Variants in PIK3C2G observed in about 807,000 individuals in gnomAD.
PIK3C2G encodes the protein phosphatidylinositol 3-kinase C2 domain-containing subunit gamma.
PIK3C2G carries 168 observed loss-of-function variants against 181.1 expected under a neutral mutation model. That is an observed-to-expected ratio of 0.93 (90% CI 0.82 to 1.05). The LOEUF (loss-of-function observed/expected upper bound fraction) is 1.05, where lower values mean the gene tolerates loss of function less well. PIK3C2G is among the 50% of genes least tolerant of loss of function. The pLI is 0.00. For synonymous variants in PIK3C2G, 573 were observed against 592.2 expected (o/e 0.97, Z 0.47); for missense variants, 1,869 against 1,732.8 (o/e 1.08, Z -1.40).
chr12:18,577,895 G>T (rs1357358839), intron 29 of PIK3C2G, among the ~76,000 whole-genome samples: 2 of 152,204 alleles, frequency 1.3e-5, no homozygotes, highest in Non-Finnish European at 2.9e-5. Context: ...TGTGGACAGT[G>T]AGGAGCCTCG....
chr12:18,460,222 A>G (rs1947842135), intron 18 of PIK3C2G, among the ~76,000 whole-genome samples: 1 of 152,120 alleles, frequency 6.6e-6, no homozygotes, highest in African/African-American at 2.4e-5. Flanking sequence ...CCTCTCTGAG[A>G]CTCAGTTACT....
rs1038006762 is a variant in PIK3C2G, at chr12:18,319,356, T to C, written c.1138-1606T>C. ...AAAAAAAATTTTAACTTTTTCCTTTTTCCTTAAGGCCAAGGTATGGCCTCA... is the reference window on the plus strand; with the variant it reads ...AAAAAAAATTTTAACTTTTTCCTTTCTCCTTAAGGCCAAGGTATGGCCTCA... On this transcript the variant is annotated intron_variant, in intron 6 of 32. Transcript: ENST00000538779. Among the ~76,000 whole-genome samples, 54 of 152,116 alleles carry C rather than the reference T, an allele frequency of 3.5e-4. 2 individuals are homozygous for C. Among genetic ancestry groups the C allele is most frequent in the Non-Finnish European group, 7.4e-5 (5 of 68,008 alleles).
rs75351086 is a variant in PIK3C2G at position 18,556,653 on chromosome 12, A to G, written c.3591-6050A>G. ...TAAATGTTTGTTGGATCGATGTTCA[A>G]TGAATGAATGGTAGAGTCTCCATAA... On this transcript the variant is annotated intron_variant, in intron 26 of 32. Coordinates refer to ENST00000538779, the MANE Select transcript of PIK3C2G (RefSeq NM_001288772.2). Among the ~76,000 whole-genome samples, 610 of 152,308 alleles carry G rather than the reference A, an allele frequency of 4.0e-3. 8 individuals are homozygous for G. The highest frequency in any genetic ancestry group is 0.014 in the African/African-American group (586 of 41,576).
intron 5 of PIK3C2G, among the ~76,000 whole-genome samples, chr12:18,297,279 T>G (rs113460533): frequency 2.0e-5 from 3 of 152,204 alleles, no homozygotes; most frequent in African/African-American, 7.2e-5. Flanking sequence ...CATAATTTTT[T>G]CTCTTATTAC....
At chr12:18,331,682 A>T (rs1210028837) in intron 8 of PIK3C2G, among the ~76,000 whole-genome samples, 1 of 151,998 alleles carries the variant, frequency 6.6e-6, no homozygotes, top group Admixed American at 6.6e-5. Context: ...ACACTTACTG[A>T]GTCTCCAATA....
At chr12:18,690,317 G>T in the PIK3C2G span, among the ~76,000 whole-genome samples, 1 of 152,042 alleles carries the variant, frequency 6.6e-6, no homozygotes, top group African/African-American at 2.4e-5. Flanking sequence ...TCTGCCTCCT[G>T]GATTCAAGCG....
At chr12:18,376,070 G>A (rs1053091741) in intron 13 of PIK3C2G, among the ~76,000 whole-genome samples, 2 of 152,218 alleles carry the variant, frequency 1.3e-5, no homozygotes, top group Admixed American at 6.5e-5. Flanking sequence ...ATAGAAAAGT[G>A]TGGAGGATAA....
intron 30 of PIK3C2G, among the ~76,000 whole-genome samples, chr12:18,597,038 C>G (rs144802640): frequency 0.01 from 1,548 of 151,836 alleles, 14 homozygotes; most frequent in African/African-American, 0.023. Context: ...TTACTTTGAT[C>G]TGGGAAGAAA....
At chr12:18,339,323 C>T (rs1386453564) in intron 9 of PIK3C2G, among the ~76,000 whole-genome samples, 1 of 151,986 alleles carries the variant, frequency 6.6e-6, no homozygotes, top group Admixed American at 6.6e-5. Context: ...TATGCATTAC[C>T]TCACTGAATT....
chr12:18,338,057 T>C (rs1565612568), intron 8 of PIK3C2G, among the ~76,000 whole-genome samples: 1 of 152,086 alleles, frequency 6.6e-6, no homozygotes. Flanking sequence ...CCACAGACTT[T>C]GTCTAAGGCT....
intron 31 of PIK3C2G, among the ~76,000 whole-genome samples, chr12:18,639,098 C>T (rs899364957): frequency 2.0e-5 from 3 of 152,094 alleles, no homozygotes; most frequent in Admixed American, 2.0e-4. Context: ...CCTTGAGCTC[C>T]AATAAAGTAC....
chr12:18,246,177 C>T (rs1948038146), upstream of PIK3C2G, among the ~76,000 whole-genome samples: 1 of 152,070 alleles, frequency 6.6e-6, no homozygotes, highest in Non-Finnish European at 1.5e-5. Flanking sequence ...AACTGAAGGC[C>T]AGAGAAAATC....
intron 29 of PIK3C2G, among the ~76,000 whole-genome samples, chr12:18,575,546 T>G (rs1484104004): frequency 6.6e-6 from 1 of 152,226 alleles, no homozygotes; most frequent in Non-Finnish European, 1.5e-5. Context: ...CAATATTATT[T>G]CAAGGCTGGT....
chr12:18,577,839 ATAAAG>A (rs1946310622), intron 29 of PIK3C2G, among the ~76,000 whole-genome samples: 1 of 152,238 alleles, frequency 6.6e-6, no homozygotes, highest in African/African-American at 2.4e-5. Context: ...TACAAAATAA[ATAAAG>A]TAGTGCTATG....
chr12:18,615,373 G>GTA lies in PIK3C2G; in HGVS notation c.4182+5745_4182+5746insAT, dbSNP rs751465088. Among the ~76,000 whole-genome samples, 759 of 90,740 alleles carry GTA rather than the reference G, an allele frequency of 8.4e-3. 4 individuals carry two copies. Among genetic ancestry groups the GTA allele is most frequent in the South Asian group, 0.046 (100 of 2,162 alleles). The allele number at this position is 90,740 out of a possible 152,430, so 59.5% of individuals were successfully genotyped here. Reference sequence around the variant, plus strand: ...TGTGTGTGTGTGTGTGTGTGTGTATGTGTATATATATATATCACGGTAGTA... The same window carrying GTA: ...TGTGTGTGTGTGTGTGTGTGTGTATGTATGTATATATATATATCACGGTAGTA... On this transcript the variant is annotated intron_variant, in intron 31 of 32. Coordinates refer to ENST00000538779, the MANE Select transcript of PIK3C2G (RefSeq NM_001288772.2).
chr12:18,711,292 C>T, the PIK3C2G span, among the ~76,000 whole-genome samples: 1 of 146,446 alleles, frequency 6.8e-6, no homozygotes, highest in African/African-American at 2.5e-5. Flanking sequence ...GGACAAAAAA[C>T]CAAACACCGC....
the PIK3C2G span, chr12:18,694,893 A>T: frequency 6.4e-7 from 1 of 1,557,850 alleles, no homozygotes; most frequent in African/African-American, 1.4e-5. Flanking sequence ...ATGTAAAAGA[A>T]AATTTATTAA....
chr12:18,706,798 T>C, the PIK3C2G span, among the ~76,000 whole-genome samples: 1 of 152,236 alleles, frequency 6.6e-6, no homozygotes, highest in Non-Finnish European at 1.5e-5. Context: ...TATTGCTCTG[T>C]GGCTGCTGTG....
intron 30 of PIK3C2G, among the ~76,000 whole-genome samples, chr12:18,598,267 A>G (rs1353848270): frequency 6.6e-6 from 1 of 151,900 alleles, no homozygotes; most frequent in Non-Finnish European, 1.5e-5. Flanking sequence ...GGCTACAGTA[A>G]CCAAAACAGC....
Sources: gnomAD v4.1 joint callset for allele counts (sites outside exome capture counted in the v4.1 genomes callset) on GRCh38, gnomAD v4.1.1 for gene constraint, MANE v1.5 for transcripts, NCBI Gene and HGNC (gene_info 2026-07-23, HGNC 2026-07-21) for gene names.